PRKAR1A: variants seen among roughly 807,000 people sequenced by gnomAD.
PRKAR1A encodes cAMP-dependent protein kinase type I-alpha regulatory subunit.
In PRKAR1A, 3 loss-of-function variants were observed where a neutral mutation model predicts 52.0. The observed-to-expected ratio is 0.06, with a 90% confidence interval of 0.03 to 0.15. PRKAR1A has a LOEUF of 0.15. Ranked by LOEUF, PRKAR1A falls within the 10% of genes least tolerant of loss-of-function variation. PRKAR1A has a pLI of 1.00. For synonymous variants in PRKAR1A, 188 were observed against 168.4 expected (o/e 1.12, Z -0.90); for missense variants, 240 against 477.4 (o/e 0.50, Z 4.63).
At chr17:68,527,815 T>A in intron 7 of PRKAR1A, 25 bp from the exon 8 acceptor site, 1 of 1,574,088 alleles carries the variant, frequency 6.4e-7, no homozygotes, top group Non-Finnish European at 8.7e-7. Context: ...CTTGGGGATA[T>A]CACTTTTGTT....
At chr17:68,491,826 G>C in the PRKAR1A span, among the ~76,000 whole-genome samples, 8 of 152,250 alleles carry the variant, frequency 5.3e-5, no homozygotes, top group South Asian at 8.3e-4. Context: ...ATCCTTAAAG[G>C]GCCAGAAGAA....
intron 11 of PRKAR1A, chr17:68,543,833 T>G (rs746161556): frequency 2.1e-6 from 2 of 930,950 alleles, no homozygotes; most frequent in Admixed American, 3.6e-5. Flanking sequence ...ATGCTTTTCA[T>G]GTACACACAG....
the PRKAR1A span, among the ~76,000 whole-genome samples, chr17:68,460,182 C>T: frequency 6.6e-6 from 1 of 151,996 alleles, no homozygotes; most frequent in Non-Finnish European, 1.5e-5. Flanking sequence ...TCACTTACAC[C>T]ATATCTCAGT....
the PRKAR1A span, chr17:68,436,354 T>G: frequency 5.3e-5 from 85 of 1,605,090 alleles, no homozygotes; most frequent in African/African-American, 9.2e-4. Context: ...GCAGGTGGGT[T>G]GGCTCAGCCA....
the PRKAR1A span, among the ~76,000 whole-genome samples, chr17:68,482,726 T>C: frequency 4.7e-3 from 718 of 152,346 alleles, 7 homozygotes; most frequent in African/African-American, 0.016. Flanking sequence ...GTCTATCCAT[T>C]GGCTCCCTTA....
intron 11 of PRKAR1A, chr17:68,541,134 G>T: frequency 1.2e-6 from 1 of 857,438 alleles, no homozygotes; most frequent in Non-Finnish European, 1.8e-6. Flanking sequence ...TGCATATTCC[G>T]TGTGGTGAGA....
chr17:68,446,761 C>T, the PRKAR1A span, among the ~76,000 whole-genome samples: 2 of 152,340 alleles, frequency 1.3e-5, no homozygotes, highest in Non-Finnish European at 2.9e-5. Flanking sequence ...ATATGCCTCT[C>T]CTAGAAACAG....
the PRKAR1A span, chr17:68,428,771 G>A: frequency 2.3e-5 from 31 of 1,364,796 alleles, 2 homozygotes; most frequent in African/African-American, 2.7e-4. Flanking sequence ...CTTGGCGAAG[G>A]GACAACTCTA....
At chr17:68,472,876 C>T in the PRKAR1A span, among the ~76,000 whole-genome samples, 18 of 152,016 alleles carry the variant, frequency 1.2e-4, no homozygotes, top group East Asian at 3.9e-4. Context: ...ACCCGGGAGG[C>T]GGAGGTTGCA....
chr17:68,541,856 A>C, intron 11 of PRKAR1A: 1 of 1,130,996 alleles, frequency 8.8e-7, no homozygotes, highest in Admixed American at 2.2e-5. Context: ...CCCAGGATCA[A>C]TATGAAATGG....
chr17:68,542,167 T>C, intron 11 of PRKAR1A: 1 of 1,613,772 alleles, frequency 6.2e-7, no homozygotes, highest in African/African-American at 1.3e-5. Flanking sequence ...CGTTGCTCGC[T>C]GGAGGATGGG....
At chr17:68,544,059 AAG>A (rs1278163839) in intron 11 of PRKAR1A, among the ~76,000 whole-genome samples, 1 of 152,144 alleles carries the variant, frequency 6.6e-6, no homozygotes, top group Non-Finnish European at 1.5e-5. Flanking sequence ...GTATAAACAG[AAG>A]AGAGGGGAAT....
At chr17:68,460,321 A>G in the PRKAR1A span, among the ~76,000 whole-genome samples, 2 of 152,262 alleles carry the variant, frequency 1.3e-5, no homozygotes, top group African/African-American at 4.8e-5. Context: ...AAGAGGGAAG[A>G]GTCAAAGCTG....
chr17:68,420,464 CA>C, the PRKAR1A span: 1 of 1,607,046 alleles, frequency 6.2e-7, no homozygotes. Context: ...AGCCGCATAA[CA>C]GACCAATTTT....
intron 11 of PRKAR1A, among the ~76,000 whole-genome samples, chr17:68,539,628 G>GAGGATGC (rs1478948823): frequency 1.3e-5 from 2 of 152,378 alleles, no homozygotes; most frequent in East Asian, 3.9e-4. Context: ...GCCAGCCACT[G>GAGGATGC]AGGATGCACC....
chr17:68,520,437 A>C (rs1224810900), intron 2 of PRKAR1A, among the ~76,000 whole-genome samples: 1 of 152,204 alleles, frequency 6.6e-6, no homozygotes, highest in Admixed American at 6.5e-5. Flanking sequence ...CACTGAGTAG[A>C]CTGGGAGGTT....
the PRKAR1A span, among the ~76,000 whole-genome samples, chr17:68,480,058 C>T: frequency 6.6e-6 from 1 of 152,192 alleles, no homozygotes; most frequent in East Asian, 1.9e-4. Flanking sequence ...ATGGAAACTA[C>T]AACTCAAGAT....
At chr17:68,520,029 C>T (rs1229863667) in intron 2 of PRKAR1A, among the ~76,000 whole-genome samples, 1 of 152,210 alleles carries the variant, frequency 6.6e-6, no homozygotes, top group Non-Finnish European at 1.5e-5. Context: ...CAGTCATGTG[C>T]AGTTCTTCTG....
At chr17:68,538,054 G>A (rs1278788887), downstream of PRKAR1A, among the ~76,000 whole-genome samples, 1 of 152,200 alleles carries the variant, frequency 6.6e-6, no homozygotes, top group Non-Finnish European at 1.5e-5. Flanking sequence ...GTGATACTTA[G>A]GATTTTTCAA....
Sources: gnomAD v4.1 joint callset for allele counts (sites outside exome capture counted in the v4.1 genomes callset) on GRCh38, gnomAD v4.1.1 for gene constraint, MANE v1.5 for transcripts, NCBI Gene and HGNC (gene_info 2026-07-23, HGNC 2026-07-21) for gene names.